Variants in CD109 observed in about 807,000 individuals in gnomAD.
CD109 encodes CD109 antigen.
CD109 carries 149 observed loss-of-function variants against 165.8 expected under a neutral mutation model. The ratio of observed to expected loss-of-function variants is 0.90; its 90% CI spans 0.79 to 1.03. The LOEUF is 1.03. CD109 is among the 50% of genes least tolerant of loss of function. The probability of loss-of-function intolerance (pLI) is 0.00; values close to 1 mark genes in which losing one functional copy is unlikely to be tolerated. For synonymous variants in CD109, 585 were observed against 592.1 expected (o/e 0.99, Z 0.18); for missense variants, 1,712 against 1,677.8 (o/e 1.02, Z -0.36).
chr6:73,778,802 T>A (rs191690024), intron 15 of CD109, among the ~76,000 whole-genome samples: 1 of 152,004 alleles, frequency 6.6e-6, no homozygotes. Flanking sequence ...TTCAACTTAG[T>A]TTTTTTTGTG....
the CD109 span, among the ~76,000 whole-genome samples, chr6:73,686,584 A>T: frequency 6.6e-6 from 1 of 152,188 alleles, no homozygotes; most frequent in Non-Finnish European, 1.5e-5. Context: ...ATCACTGCTG[A>T]GTCTATACAA....
At chr6:73,704,861 A>AT (rs1435995841) in intron 2 of CD109, among the ~76,000 whole-genome samples, 1 of 152,150 alleles carries the variant, frequency 6.6e-6, no homozygotes, top group Non-Finnish European at 1.5e-5. Flanking sequence ...AGGAGTTTTT[A>AT]TTTTTTGTAT....
At chr6:73,821,856 T>A (rs919008100) in intron 32 of CD109, among the ~76,000 whole-genome samples, 3 of 152,196 alleles carry the variant, frequency 2.0e-5, no homozygotes, top group Non-Finnish European at 4.4e-5. Context: ...CTTGTACATG[T>A]ACCCCTGAAC....
chr6:73,792,935 G>C, intron 23 of CD109, 133 bp downstream of exon 23: 1 of 625,204 alleles, frequency 1.6e-6, no homozygotes, highest in Non-Finnish European at 2.7e-6. Context: ...GTGTTGACAT[G>C]TGCAGGAAGT....
rs758075768 is a variant in CD109, at chr6:73,783,784, C to T, written c.2183C>T (p.Ser728Phe). The T allele has an allele frequency of 5.0e-6, 8 of 1,612,488 alleles. No homozygotes were observed. The South Asian group carries it at 7.7e-5, about 16-fold the overall frequency. Residue 728 changes from serine (S) to phenylalanine (F), a missense_variant, in exon 19 of 33, where the codon TCT (serine) becomes TTT (phenylalanine). Coordinates refer to ENST00000287097, the MANE Select transcript of CD109 (RefSeq NM_133493.5). The part of the protein sequence containing the change: ...TSWVATGFVI[S>F]EDLGLGLTTT... ...TGGGTGGCTACTGGTTTTGTGATCTCTGAGGACCTGGGTCTTGGACTAACA... is the reference window on the plus strand; with the variant it reads ...TGGGTGGCTACTGGTTTTGTGATCTTTGAGGACCTGGGTCTTGGACTAACA...
intron 5 of CD109, among the ~76,000 whole-genome samples, chr6:73,754,668 GCA>G (rs1362355763): frequency 6.6e-6 from 1 of 152,136 alleles, no homozygotes; most frequent in Non-Finnish European, 1.5e-5. Context: ...CATTTATTGA[GCA>G]CTTATTTTGT....
At chr6:73,748,143 C>A (rs1773052478) in intron 5 of CD109, among the ~76,000 whole-genome samples, 1 of 152,108 alleles carries the variant, frequency 6.6e-6, no homozygotes, top group Non-Finnish European at 1.5e-5. Context: ...TATTTCAAAT[C>A]CACCTACTTC....
rs1562063502 is a variant in CD109, at chr6:73,780,406, AT to A, written c.1828-14del. ...TGTTATGAATCCATTCATTCCGTAT[AT>A]TTTATCTTCTCCTTAGGTGGTCCAT... On this transcript the variant is annotated splice_polypyrimidine_tract_variant and intron_variant, in intron 15 of 32. Coordinates refer to ENST00000287097, the MANE Select transcript of CD109 (RefSeq NM_133493.5). 2.7e-6 allele frequency: 4 copies of A among 1,471,098 alleles called. No homozygotes were observed. The Admixed American group carries it at 5.0e-5, about 19-fold the overall frequency. 91.1% of individuals were successfully genotyped at this position (1,471,098 alleles called of 1,614,324 possible).
chr6:73,774,128 G>T (rs1774148976), intron 15 of CD109, among the ~76,000 whole-genome samples: 1 of 151,834 alleles, frequency 6.6e-6, no homozygotes, highest in Non-Finnish European at 1.5e-5. Flanking sequence ...TTATCTCCTT[G>T]TGTATATTTG....
intron 2 of CD109, among the ~76,000 whole-genome samples, chr6:73,704,296 C>A (rs769381430): frequency 3.3e-5 from 5 of 152,068 alleles, no homozygotes; most frequent in Non-Finnish European, 5.9e-5. Context: ...TGTACTCGAC[C>A]AAATACTGGA....
intron 5 of CD109, among the ~76,000 whole-genome samples, chr6:73,750,973 G>A (rs1386683489): frequency 6.6e-6 from 1 of 151,886 alleles, no homozygotes; most frequent in African/African-American, 2.4e-5. Flanking sequence ...TCTACATTCA[G>A]TAATTAATAT....
Position 73,799,179 on chromosome 6 carries a change from C to T in CD109, c.2879-4041C>T, listed in dbSNP as rs1775276767. On this transcript the variant is annotated intron_variant, in intron 23 of 32. Coordinates refer to ENST00000287097, the MANE Select transcript of CD109 (RefSeq NM_133493.5). ...TGCCTCTGAAAAATGAGATAATATA[C>T]TGCATTTTTAAAGGTTATGTGAAAA... is the stretch of plus-strand genomic sequence containing the variant. 1.3e-5 allele frequency among the ~76,000 whole-genome samples: 2 copies of T among 152,144 alleles called. 1 individual carries two copies. The highest frequency in any genetic ancestry group is 3.8e-4 in the East Asian group (2 of 5,198).
chr6:73,788,858 A>G (rs1774804804), intron 22 of CD109, among the ~76,000 whole-genome samples: 1 of 152,192 alleles, frequency 6.6e-6, no homozygotes, highest in Non-Finnish European at 1.5e-5. Flanking sequence ...CTGGTTTAGT[A>G]GGTCTGGAGT....
rs372718283 is a variant in CD109 at position 73,697,384 on chromosome 6, G to A, written c.75-16G>A. On this transcript the variant is annotated splice_polypyrimidine_tract_variant and intron_variant, in intron 1 of 32. Coordinates refer to ENST00000287097, the MANE Select transcript of CD109 (RefSeq NM_133493.5). ...GGATAAGAAACTTTGTTTTTCCCTT[G>A]TTGGGAACTCTTTAGGCCTCGGTTT... is the stretch of plus-strand genomic sequence containing the variant. The A allele has an allele frequency of 1.2e-6, 2 of 1,609,066 alleles. No individual in the cohort carries two copies. The highest frequency in any genetic ancestry group is 1.1e-5 in the South Asian group (1 of 90,794).
chr6:73,765,648 G>T (rs1398011871), intron 10 of CD109, among the ~76,000 whole-genome samples: 1 of 152,108 alleles, frequency 6.6e-6, no homozygotes, highest in Non-Finnish European at 1.5e-5. Flanking sequence ...CATTTAGGGA[G>T]AGGAAAGAGG....
At position 73,806,455 on chromosome 6, in the gene CD109, C is replaced by T. The variant is rs970581693; in HGVS notation, c.2961-389C>T. 5.9e-5 allele frequency among the ~76,000 whole-genome samples: 9 copies of T among 152,050 alleles called. No individual in the cohort carries two copies. The East Asian group carries it at 7.7e-4, about 13-fold the overall frequency. ...GCAGCACACCAACATGGCACATGTACACATATGTAACAAACCTGCACGTTG... is the reference window on the plus strand; with the variant it reads ...GCAGCACACCAACATGGCACATGTATACATATGTAACAAACCTGCACGTTG... On this transcript the variant is annotated intron_variant, in intron 24 of 32. Transcript: ENST00000287097.
At chr6:73,796,574 C>T (rs1235218758) in intron 23 of CD109, among the ~76,000 whole-genome samples, 1 of 152,156 alleles carries the variant, frequency 6.6e-6, no homozygotes, top group Non-Finnish European at 1.5e-5. Context: ...AGGGGGAGCT[C>T]TGTGACAGTG....
chr6:73,763,645 ATAC>A lies in CD109; in HGVS notation c.1072_1074del (p.Thr358del). The A allele has an allele frequency of 1.3e-6, 2 of 1,593,742 alleles. No individual in the cohort carries two copies. Among genetic ancestry groups the A allele is most frequent in the Non-Finnish European group, 1.7e-6 (2 of 1,168,368 alleles). On this transcript the variant is annotated inframe_deletion, in exon 10 of 33. Coordinates refer to ENST00000287097, the MANE Select transcript of CD109 (RefSeq NM_133493.5). ...GATTACATCATTGAGTTTTTTGATT[ATAC>A]TACTGTCTTGAAGCCATCTCTCAAC...
intron 2 of CD109, among the ~76,000 whole-genome samples, chr6:73,719,938 G>A (rs1771882617): frequency 1.3e-5 from 2 of 152,122 alleles, no homozygotes; most frequent in African/African-American, 2.4e-5. Flanking sequence ...TTAAAAGTAA[G>A]CTTAATGAAC....
Sources: gnomAD v4.1 joint callset for allele counts (sites outside exome capture counted in the v4.1 genomes callset) on GRCh38, gnomAD v4.1.1 for gene constraint, MANE v1.5 for transcripts, NCBI Gene and HGNC (gene_info 2026-07-23, HGNC 2026-07-21) for gene names.